Variants in ZKSCAN7 observed in about 807,000 individuals in gnomAD.
ZKSCAN7 encodes the protein zinc finger with KRAB and SCAN domains 7, also known as zinc finger protein with KRAB and SCAN domains 7.
Under a neutral mutation model 65.3 loss-of-function variants are expected in ZKSCAN7, and 38 were observed. The ratio of observed to expected loss-of-function variants is 0.58; its 90% confidence interval spans 0.45 to 0.76. The LOEUF is 0.76. Among genes scored for constraint, ZKSCAN7 ranks in the 30% least tolerant of loss-of-function variants. The pLI, the probability that ZKSCAN7 is intolerant of heterozygous loss-of-function variation, is 0.00. For synonymous variants in ZKSCAN7, 321 were observed against 321.0 expected (o/e 1.00, Z 0.00); for missense variants, 815 against 913.3 (o/e 0.89, Z 1.39).
chr3:44,581,188 A>T (rs1575389134), intron 5 of ZKSCAN7, among the ~76,000 whole-genome samples: 1 of 146,768 alleles, frequency 6.8e-6, no homozygotes, highest in Non-Finnish European at 1.5e-5. Context: ...GAGGCTCCTG[A>T]GCCGCCCGGG....
At chr3:44,580,697 C>T in intron 5 of ZKSCAN7, 1 of 1,613,992 alleles carries the variant, frequency 6.2e-7, no homozygotes, top group South Asian at 1.1e-5. Flanking sequence ...CCGTGCGGCC[C>T]TCCCCATCCA....
Position 44,570,124 on chromosome 3 carries a change from C to T in ZKSCAN7, c.1014C>T (p.Phe338=). ...DEEGSRLEND[F]LEITDEDKKK... The stretch of plus-strand genomic sequence containing the variant: ...AAGGGAGCAGACTAGAAAATGATTT[C>T]TTGGAAATAACAGATGAAGATAAGA... The change falls in exon 6 of 6, where the codon TTC becomes TTT. Residue 338 remains phenylalanine, a synonymous_variant. Coordinates refer to ENST00000426540, the MANE Select transcript of ZKSCAN7 (RefSeq NM_001288590.2). The T allele has an allele frequency of 6.2e-7, 1 of 1,613,894 alleles. No homozygotes were observed. Among genetic ancestry groups the T allele is most frequent in the Non-Finnish European group, 8.5e-7 (1 of 1,179,976 alleles).
At chr3:44,572,624 C>T (rs1302409776), downstream of ZKSCAN7, among the ~76,000 whole-genome samples, 3 of 151,560 alleles carry the variant, frequency 2.0e-5, no homozygotes, top group Non-Finnish European at 4.4e-5. Flanking sequence ...CTGAGGCAGG[C>T]GGATCACGAG....
At chr3:44,558,565 G>C (rs902129627) in intron 2 of ZKSCAN7, among the ~76,000 whole-genome samples, 1 of 151,530 alleles carries the variant, frequency 6.6e-6, no homozygotes, top group Non-Finnish European at 1.5e-5. Context: ...TTTATTGCTA[G>C]TAAGTGGCTT....
chr3:44,558,906 G>C (rs1699381609), intron 2 of ZKSCAN7, among the ~76,000 whole-genome samples: 1 of 149,686 alleles, frequency 6.7e-6, no homozygotes, highest in African/African-American at 2.5e-5. Context: ...AGCCTCCTGA[G>C]TAGCTGGTAC....
downstream of ZKSCAN7, among the ~76,000 whole-genome samples, chr3:44,576,877 T>A (rs1217479745): frequency 6.6e-6 from 1 of 152,188 alleles, no homozygotes; most frequent in Non-Finnish European, 1.5e-5. Flanking sequence ...CCAAGTTCTC[T>A]GCCTCATTGG....
intron 4 of ZKSCAN7, 98 bp from the exon 5 acceptor site, chr3:44,568,209 T>C: frequency 6.4e-7 from 1 of 1,555,014 alleles, no homozygotes; most frequent in East Asian, 2.2e-5. Flanking sequence ...CCCATACTTT[T>C]GCCCATGAAG....
intron 5 of ZKSCAN7, chr3:44,580,477 T>G (rs1700045955): frequency 6.2e-7 from 1 of 1,607,300 alleles, no homozygotes; most frequent in East Asian, 2.2e-5. Flanking sequence ...ATGCTGCTGC[T>G]GCTGCTGCTG....
Position 44,570,893 on chromosome 3 carries a change from A to G in ZKSCAN7, c.1783A>G (p.Ile595Val). The change falls in exon 6 of 6, where the codon ATT becomes GTT. Residue 595 changes from isoleucine to valine, a missense_variant. Around this residue, in one of 3 missense-constraint regions of ZKSCAN7, gnomAD observed 578 missense variants for 629.5 expected, o/e 0.92. Transcript: ENST00000426540. ...GKAFNQNSQL[I>V]EHERIHTGEK... is the part of the protein sequence containing the mutation. The stretch of plus-strand genomic sequence containing the variant: ...AGCCTTCAATCAGAACTCTCAACTC[A>G]TTGAGCATGAGCGAATTCATACTGG... 6.2e-7 allele frequency: 1 copy of G among 1,614,086 alleles called. No individual in the cohort carries two copies. The highest frequency in any genetic ancestry group is 8.5e-7 in the Non-Finnish European group (1 of 1,179,916).
intron 5 of ZKSCAN7, chr3:44,578,245 T>C: frequency 6.4e-7 from 1 of 1,554,434 alleles, no homozygotes; most frequent in Non-Finnish European, 8.9e-7. Flanking sequence ...TGTCCCACAG[T>C]GCTGTCTGCA....
At chr3:44,581,031 G>A (rs1045766386) in intron 5 of ZKSCAN7, 69 of 1,557,934 alleles carry the variant, frequency 4.4e-5, no homozygotes, top group Non-Finnish European at 5.2e-5. Flanking sequence ...CGACATGGTC[G>A]GCGCGGCGGC....
Position 44,571,066 on chromosome 3 carries a change from A to T in ZKSCAN7, c.1956A>T (p.Ile652=). The T allele has an allele frequency of 6.2e-7, 1 of 1,614,112 alleles. No homozygotes were observed. The highest frequency in any genetic ancestry group is 8.5e-7 in the Non-Finnish European group (1 of 1,180,018). Residue 652 remains isoleucine, a synonymous_variant, in exon 6 of 6, where the codon ATA becomes ATT. Coordinates refer to ENST00000426540, the MANE Select transcript of ZKSCAN7 (RefSeq NM_001288590.2). The stretch of plus-strand genomic sequence containing the variant: ...TCAATCAAAACTCACACCTTATTAT[A>T]CACCAGAGAATTCACACTGGTGAGA... ...KSFNQNSHLI[I]HQRIHTGEKP... is the part of the protein sequence containing the mutation.
Position 44,571,151 on chromosome 3 carries a change from C to T in ZKSCAN7, c.2041C>T (p.His681Tyr). ...VFSYSSSLMVHQRTHTGEKPY... is the reference protein window; with the variant it reads ...VFSYSSSLMVYQRTHTGEKPY... ...CAGTTATAGCTCCAGCCTTATGGTACATCAGAGAACCCATACTGGGGAAAA... is the reference window on the plus strand; with the variant it reads ...CAGTTATAGCTCCAGCCTTATGGTATATCAGAGAACCCATACTGGGGAAAA... The change falls in exon 6 of 6, where the codon CAT becomes TAT. Residue 681 changes from histidine to tyrosine, a missense_variant. Physicochemically the swap from His to Tyr is moderately conservative, Grantham distance 83. Coordinates refer to ENST00000426540, the MANE Select transcript of ZKSCAN7 (RefSeq NM_001288590.2). The T allele has an allele frequency of 6.2e-7, 1 of 1,614,144 alleles. No homozygotes were observed. The highest frequency in any genetic ancestry group is 8.5e-7 in the Non-Finnish European group (1 of 1,180,026).
intron 3 of ZKSCAN7, among the ~76,000 whole-genome samples, chr3:44,567,035 G>C (rs1177410988): frequency 6.6e-6 from 1 of 151,960 alleles, no homozygotes; most frequent in Non-Finnish European, 1.5e-5. Flanking sequence ...AGAATTGCTT[G>C]AGCCTGGGAG....
chr3:44,582,183 A>G (rs1700101096), intron 5 of ZKSCAN7, among the ~76,000 whole-genome samples: 1 of 152,206 alleles, frequency 6.6e-6, no homozygotes, highest in Non-Finnish European at 1.5e-5. Flanking sequence ...CCAGGATAGG[A>G]CATTTTAGAT....
At chr3:44,556,429 C>T (rs369228826) in intron 1 of ZKSCAN7, among the ~76,000 whole-genome samples, 2 of 152,160 alleles carry the variant, frequency 1.3e-5, no homozygotes, top group Non-Finnish European at 2.9e-5. Context: ...AGCTTTAGCT[C>T]CAAACTTTCT....
At chr3:44,567,241 GGGGAA>G (rs1393420457) in intron 3 of ZKSCAN7, among the ~76,000 whole-genome samples, 1 of 151,882 alleles carries the variant, frequency 6.6e-6, no homozygotes, top group African/African-American at 2.4e-5. Flanking sequence ...GAAAAGAGGA[GGGGAA>G]GGGAAGGGAA....
Position 44,570,267 on chromosome 3 carries a change from A to G in ZKSCAN7, c.1157A>G (p.Asp386Gly), listed in dbSNP as rs149725884. ...VLKGQKSYRC[D>G]ECGKAFNRSS... ...AAGGGACAGAAATCCTATCGATGTG[A>G]TGAATGTGGCAAAGCTTTCAATCGG... Residue 386 changes from aspartate to glycine, a missense_variant, in exon 6 of 6, where the codon GAT (aspartate) becomes GGT (glycine). By Grantham distance (94) the Asp-to-Gly change is moderately conservative (BLOSUM62 -1). Around this residue, in one of 3 missense-constraint regions of ZKSCAN7, gnomAD observed 578 missense variants for 629.5 expected, o/e 0.92. Coordinates refer to ENST00000426540, the MANE Select transcript of ZKSCAN7 (RefSeq NM_001288590.2). 2.2e-3 allele frequency: 3,502 copies of G among 1,614,254 alleles called. 14 individuals are homozygous for G. The highest frequency in any genetic ancestry group is 0.012 in the Middle Eastern group (72 of 6,062).
At chr3:44,556,044 G>T (rs1204534929) in intron 1 of ZKSCAN7, among the ~76,000 whole-genome samples, 1 of 152,306 alleles carries the variant, frequency 6.6e-6, no homozygotes, top group South Asian at 2.1e-4. Flanking sequence ...CTCTACTAGA[G>T]GTTTGAATGA....
Sources: gnomAD v4.1 joint callset for allele counts (sites outside exome capture counted in the v4.1 genomes callset) on GRCh38, gnomAD v4.1.1 for gene constraint, gnomAD v4.1.1 regional missense constraint, MANE v1.5 for transcripts, NCBI Gene and HGNC (gene_info 2026-07-23, HGNC 2026-07-21) for gene names.